The following ZYG11B variants were observed in gnomAD, a reference collection of about 807,000 sequenced individuals.
ZYG11B encodes protein zyg-11 homolog B.
ZYG11B carries 36 observed loss-of-function variants against 82.4 expected under a neutral mutation model. The ratio of observed to expected loss-of-function variants is 0.44; its 90% CI spans 0.33 to 0.58. The LOEUF is 0.58. ZYG11B is among the 20% of genes least tolerant of loss of function. The probability of loss-of-function intolerance (pLI) is 0.02; values close to 1 mark genes in which losing one functional copy is unlikely to be tolerated. For synonymous variants in ZYG11B, 303 were observed against 312.8 expected, an observed-to-expected ratio of 0.97 and a Z score of 0.33; for missense variants, 552 against 895.6, an observed-to-expected ratio of 0.62 and a Z score of 4.90.
At chr1:52,797,116 A>G (rs1645022459) in intron 8 of ZYG11B, among the ~76,000 whole-genome samples, 1 of 69,090 alleles carries the variant, frequency 1.4e-5, no homozygotes, top group Non-Finnish European at 2.1e-5. Flanking sequence ...ATATATTTAT[A>G]TATTATATAT....
At chr1:52,764,903 C>T (rs1353754590) in intron 2 of ZYG11B, among the ~76,000 whole-genome samples, 2 of 152,090 alleles carry the variant, frequency 1.3e-5, no homozygotes, top group Non-Finnish European at 2.9e-5. Context: ...GGAGTATTTC[C>T]CCAGTAAACT....
intron 1 of ZYG11B, among the ~76,000 whole-genome samples, chr1:52,752,983 G>A (rs1191594570): frequency 6.6e-6 from 1 of 152,060 alleles, no homozygotes; most frequent in Non-Finnish European, 1.5e-5. Flanking sequence ...GAATAGCTGG[G>A]ATTACAGAAG....
At position 52,749,753 on chromosome 1, in the gene ZYG11B, A is replaced by G. The variant is rs1031123406; in HGVS notation, c.31-6705A>G. 9.9e-5 allele frequency among the ~76,000 whole-genome samples: 15 copies of G among 152,086 alleles called. 1 individual carries two copies. Among genetic ancestry groups the G allele is most frequent in the African/African-American group, 3.1e-4 (13 of 41,424 alleles). On this transcript the variant is annotated intron_variant, in intron 1 of 13. Transcript: ENST00000294353. ...TTTTTATTAGAGACAGGGTTTTGCC[A>G]TGTTGGCCAGGCTTGTCTTGAACTC...
chr1:52,786,632 C>T (rs1644914950), intron 5 of ZYG11B, among the ~76,000 whole-genome samples: 1 of 152,004 alleles, frequency 6.6e-6, no homozygotes, highest in African/African-American at 2.4e-5. Flanking sequence ...CATCTGTGGT[C>T]CCAACTACTC....
At chr1:52,812,822 GT>G (rs1332703092) in intron 10 of ZYG11B, among the ~76,000 whole-genome samples, 1 of 151,820 alleles carries the variant, frequency 6.6e-6, no homozygotes, top group Admixed American at 6.6e-5. Context: ...TGCCTCCCGG[GT>G]TTAGGTGACT....
intron 13 of ZYG11B, among the ~76,000 whole-genome samples, chr1:52,816,967 T>C (rs1645230580): frequency 6.6e-6 from 1 of 151,740 alleles, no homozygotes; most frequent in African/African-American, 2.4e-5. Context: ...TTTTGTATTA[T>C]TATTATTTTT....
At chr1:52,751,010 T>G (rs183061872) in intron 1 of ZYG11B, among the ~76,000 whole-genome samples, 1 of 152,198 alleles carries the variant, frequency 6.6e-6, no homozygotes, top group Admixed American at 6.6e-5. Context: ...AGTCATCTGG[T>G]TTTTGTTGTT....
rs199588657 is a variant in ZYG11B, at chr1:52,819,785, G to GAAA, written c.2045-1647_2045-1645dup. On this transcript the variant is annotated intron_variant, in intron 13 of 13. Coordinates refer to ENST00000294353, the MANE Select transcript of ZYG11B (RefSeq NM_024646.3). ...TGGGCGACAGAGTGAGACTCTGTCT[G>GAAA]AAAAAAAAATAATAATAATAATAAT... 1.2e-3 allele frequency among the ~76,000 whole-genome samples: 159 copies of GAAA among 129,258 alleles called. 1 individual carries two copies. The highest frequency in any genetic ancestry group is 4.3e-3 in the African/African-American group (145 of 33,798). 84.8% of individuals were successfully genotyped at this position (129,258 alleles called of 152,430 possible).
intron 1 of ZYG11B, among the ~76,000 whole-genome samples, chr1:52,745,867 T>C (rs1348587967): frequency 7.1e-6 from 1 of 141,544 alleles, no homozygotes; most frequent in Non-Finnish European, 1.5e-5. Context: ...TCCAGCTGTT[T>C]TTTTTGTTTT....
rs1232491575 is a variant in ZYG11B at position 52,726,526 on chromosome 1, GGA to G, written c.-127_-126del. ...GCTACTGCTACGCTCCTAGCTTGAG[GGA>G]AAGAGGCCGAGGCCTGGGCCAAGCC... On this transcript the variant is annotated 5_prime_UTR_variant, in exon 1 of 14. Coordinates refer to ENST00000294353, the MANE Select transcript of ZYG11B (RefSeq NM_024646.3). The G allele has an allele frequency of 2.3e-6, 2 of 883,510 alleles. No individual in the cohort carries two copies. The highest frequency in any genetic ancestry group is 3.1e-6 in the Non-Finnish European group (2 of 653,942). 54.7% of individuals were successfully genotyped at this position (883,510 alleles called of 1,614,324 possible).
At chr1:52,799,137 A>G (rs1447138199) in intron 8 of ZYG11B, among the ~76,000 whole-genome samples, 1 of 152,084 alleles carries the variant, frequency 6.6e-6, no homozygotes, top group African/African-American at 2.4e-5. Context: ...TAGAAAAAAA[A>G]TAGCTATGTA....
At chr1:52,747,475 T>C (rs570717692) in intron 1 of ZYG11B, among the ~76,000 whole-genome samples, 6 of 152,164 alleles carry the variant, frequency 3.9e-5, no homozygotes, top group South Asian at 2.1e-4. Flanking sequence ...AGAAAAAGTA[T>C]GGACTTCATT....
Position 52,726,695 on chromosome 1 carries a change from A to T in ZYG11B, c.30+12A>T. 6.8e-7 allele frequency: 1 copy of T among 1,474,788 alleles called. No homozygotes were observed. The highest frequency in any genetic ancestry group is 8.9e-7 in the Non-Finnish European group (1 of 1,118,790). 91.4% of individuals were successfully genotyped at this position (1,474,788 alleles called of 1,614,324 possible). ...CCGGCGCAGCCATGGTGAGGGAGCAAGGCCTGCCCTAGCCGCAGCCGCCCG... is the reference window on the plus strand; with the variant it reads ...CCGGCGCAGCCATGGTGAGGGAGCATGGCCTGCCCTAGCCGCAGCCGCCCG... On this transcript the variant is annotated intron_variant, in intron 1 of 13. Coordinates refer to ENST00000294353, the MANE Select transcript of ZYG11B (RefSeq NM_024646.3).
At chr1:52,736,012 T>C (rs1352241969) in intron 1 of ZYG11B, among the ~76,000 whole-genome samples, 1 of 152,190 alleles carries the variant, frequency 6.6e-6, no homozygotes, top group Non-Finnish European at 1.5e-5. Context: ...GCATTAAAAA[T>C]ATCAAGATAT....
At chr1:52,748,963 G>A (rs1180245788) in intron 1 of ZYG11B, among the ~76,000 whole-genome samples, 2 of 151,756 alleles carry the variant, frequency 1.3e-5, no homozygotes, top group Non-Finnish European at 1.5e-5. Context: ...CACTTTGGGA[G>A]GCTAAGGCAG....
chr1:52,743,791 C>T (rs971024339), intron 1 of ZYG11B, among the ~76,000 whole-genome samples: 16 of 152,166 alleles, frequency 1.1e-4, no homozygotes, highest in Middle Eastern at 3.4e-3. Flanking sequence ...GCAGTAATGT[C>T]CTAGGCCTTC....
At position 52,772,556 on chromosome 1, in the gene ZYG11B, G is replaced by T. The variant is rs577269035; in HGVS notation, c.951+782G>T. 41 of 1,607,946 alleles carry T rather than the reference G, an allele frequency of 2.5e-5. No individual in the cohort carries two copies. In the South Asian group the frequency reaches 4.2e-4, roughly 16 times the overall value. On this transcript the variant is annotated intron_variant, in intron 3 of 13. Coordinates refer to ENST00000294353, the MANE Select transcript of ZYG11B (RefSeq NM_024646.3). ...GTTTGTAAATCTGCTCCTTCACGTC[G>T]TCAGATGTCAACTTCAACCAAGTGG... is the stretch of plus-strand genomic sequence containing the variant.
At chr1:52,811,166 A>G (rs1421830666) in intron 10 of ZYG11B, among the ~76,000 whole-genome samples, 1 of 152,124 alleles carries the variant, frequency 6.6e-6, no homozygotes, top group Non-Finnish European at 1.5e-5. Flanking sequence ...TTACCTAACA[A>G]AGTTTTTTAT....
chr1:52,796,591 A>C, intron 7 of ZYG11B, 143 bp from the exon 8 acceptor site: 4 of 833,612 alleles, frequency 4.8e-6, no homozygotes, highest in Non-Finnish European at 7.2e-6. Context: ...AGGCCGAGGC[A>C]GGCCTCCCAA....
Sources: allele counts gnomAD v4.1 joint callset (sites outside exome capture counted in the v4.1 genomes callset), GRCh38; gene constraint gnomAD v4.1.1; transcripts MANE v1.5; gene names NCBI Gene and HGNC (gene_info 2026-07-23, HGNC 2026-07-21).